TNRC6B: variants seen among roughly 807,000 people sequenced by gnomAD.
TNRC6B encodes trinucleotide repeat-containing gene 6B protein.
TNRC6B carries 52 observed loss-of-function variants against 203.6 expected under a neutral mutation model. The ratio of observed to expected loss-of-function variants is 0.26; its 90% CI spans 0.20 to 0.32. The LOEUF (loss-of-function observed/expected upper bound fraction) is 0.32, where lower values mean the gene tolerates loss of function less well. TNRC6B is among the 10% of genes least tolerant of loss of function. TNRC6B has a pLI of 1.00. For missense variants in TNRC6B, 1,923 were observed against 2,286.2 expected (o/e 0.84, Z 3.24); for synonymous variants, 838 against 845.7 (o/e 0.99, Z 0.16).
At chr22:40,062,329 T>A (rs1275674154) in intron 1 of TNRC6B, among the ~76,000 whole-genome samples, 1 of 152,068 alleles carries the variant, frequency 6.6e-6, no homozygotes, top group Non-Finnish European at 1.5e-5. Flanking sequence ...GCCTCCTGAG[T>A]AGCTGGGATT....
At chr22:40,179,708 C>G (rs542192739) in intron 1 of TNRC6B, among the ~76,000 whole-genome samples, 2 of 152,232 alleles carry the variant, frequency 1.3e-5, no homozygotes, top group East Asian at 1.9e-4. Flanking sequence ...GGAAAAAATG[C>G]TGGACCATTT....
At chr22:40,192,175 C>A (rs1475688328) in intron 1 of TNRC6B, among the ~76,000 whole-genome samples, 1 of 152,168 alleles carries the variant, frequency 6.6e-6, no homozygotes, top group Non-Finnish European at 1.5e-5. Context: ...TATGCCTGGC[C>A]CAGAAATTTG....
chr22:40,092,156 A>C (rs2068155632), intron 1 of TNRC6B, among the ~76,000 whole-genome samples: 1 of 152,110 alleles, frequency 6.6e-6, no homozygotes, highest in African/African-American at 2.4e-5. Flanking sequence ...TAATCCCAAC[A>C]CTTTGGGAGG....
intron 4 of TNRC6B, among the ~76,000 whole-genome samples, chr22:40,167,704 CAAAAAAAAAAAAAA>C (rs58022219): frequency 1.7e-5 from 1 of 58,980 alleles, no homozygotes; most frequent in African/African-American, 6.8e-5. Context: ...CCATCGCTAC[CAAAAAAAAAAAAAA>C]AAAAAAAAAA....
chr22:40,232,273 C>G (rs1392353326), intron 1 of TNRC6B, among the ~76,000 whole-genome samples: 1 of 152,044 alleles, frequency 6.6e-6, no homozygotes, highest in Non-Finnish European at 1.5e-5. Context: ...TTGCCTTGCC[C>G]GGTAATTGGA....
At position 40,139,325 on chromosome 22, in the gene TNRC6B, A is replaced by AT. The variant is rs562172960; in HGVS notation, c.45+13483dup. ...AATACCCTATTGCATGGGTGTACGC[A>AT]TTTTTTTTTTTTTTTTTTTTGAGAT... On this transcript the variant is annotated intron_variant, in intron 3 of 23. Coordinates refer to the TNRC6B transcript ENST00000301923. Among the ~76,000 whole-genome samples the AT allele has an allele frequency of 8.8e-3, 1,061 of 120,598 alleles. 9 individuals are homozygous for AT. The highest frequency in any genetic ancestry group is 0.013 in the African/African-American group (432 of 33,084). 79.1% of individuals were successfully genotyped at this position (120,598 alleles called of 152,430 possible). A position where few individuals can be genotyped will look rare whatever the true frequency, so the allele number is the denominator to read the frequency against.
chr22:40,310,999 G>A lies in TNRC6B; in HGVS notation c.4435+6G>A, dbSNP rs759970723. 6.2e-7 allele frequency: 1 copy of A among 1,602,086 alleles called. No homozygotes were observed. Among genetic ancestry groups the A allele is most frequent in the Admixed American group, 1.7e-5 (1 of 58,666 alleles). Reference sequence around the variant, plus strand: ...CAATGCCAGTTGGCCTCCAGGTATTGTCTAGGAAATGCTTTTCCCAGGATA... The same window carrying A: ...CAATGCCAGTTGGCCTCCAGGTATTATCTAGGAAATGCTTTTCCCAGGATA... On this transcript the variant is annotated splice_donor_region_variant and intron_variant, in intron 17 of 22. Transcript: ENST00000454349.
rs1472270715 is a variant in TNRC6B at position 40,277,168 on chromosome 22, T to A, written c.3216+17T>A. ...GGATTGCTGGTAAGTTTTATTTTTT[T>A]CAAATGTATAACGTATCCCAACTTT... On this transcript the variant is annotated intron_variant, in intron 8 of 22. Transcript: ENST00000454349. The A allele has an allele frequency of 6.3e-7, 1 of 1,594,596 alleles. No individual in the cohort carries two copies. The highest frequency in any genetic ancestry group is 8.6e-7 in the Non-Finnish European group (1 of 1,169,486).
chr22:40,051,173 G>A (rs2067741380), intron 1 of TNRC6B, among the ~76,000 whole-genome samples: 1 of 152,126 alleles, frequency 6.6e-6, no homozygotes, highest in African/African-American at 2.4e-5. Context: ...TCTCCTCTGG[G>A]ACTTGATCTC....
At chr22:40,258,543 A>G (rs1378854982) in intron 3 of TNRC6B, among the ~76,000 whole-genome samples, 7 of 152,186 alleles carry the variant, frequency 4.6e-5, no homozygotes, top group Admixed American at 1.3e-4. Context: ...ACAGTTTGCT[A>G]TGACTAAGGT....
At chr22:40,066,028 G>T (rs144830493) in intron 1 of TNRC6B, among the ~76,000 whole-genome samples, 1 of 152,176 alleles carries the variant, frequency 6.6e-6, no homozygotes, top group South Asian at 2.1e-4. Flanking sequence ...TCTCTGTGCA[G>T]CTCTTTTCTC....
chr22:40,299,296 A>G (rs1473169711), intron 12 of TNRC6B, among the ~76,000 whole-genome samples: 2 of 150,932 alleles, frequency 1.3e-5, no homozygotes, highest in African/African-American at 2.4e-5. Context: ...CTGGAGTGCA[A>G]TGGCACCATC....
chr22:40,111,655 G>T (rs897058330), intron 1 of TNRC6B, among the ~76,000 whole-genome samples: 3 of 152,176 alleles, frequency 2.0e-5, no homozygotes, highest in Non-Finnish European at 4.4e-5. Flanking sequence ...AACACGCTTT[G>T]GGGGAGGGTT....
At chr22:40,258,313 C>CT (rs1407678269) in intron 3 of TNRC6B, among the ~76,000 whole-genome samples, 1 of 152,072 alleles carries the variant, frequency 6.6e-6, no homozygotes, top group Non-Finnish European at 1.5e-5. Context: ...CCTTTATCGT[C>CT]TAACATTCTG....
At chr22:40,130,215 C>T (rs972388823) in intron 3 of TNRC6B, among the ~76,000 whole-genome samples, 1 of 152,126 alleles carries the variant, frequency 6.6e-6, no homozygotes, top group Admixed American at 6.5e-5. Context: ...TTCTCAGATT[C>T]CCAGGCTTAA....
At chr22:40,106,397 C>G in intron 1 of TNRC6B, 1 of 1,181,710 alleles carries the variant, frequency 8.5e-7, no homozygotes, top group Non-Finnish European at 1.2e-6. Flanking sequence ...AATGGGTGGT[C>G]TTTTTCTTCA....
rs370951084 is a variant in TNRC6B, at chr22:40,143,201, G to A, written c.46-12914G>A. On this transcript the variant is annotated intron_variant, in intron 3 of 23. Coordinates refer to the TNRC6B transcript ENST00000301923. ...TCCCAGCATTTTGGGAGGCCGGGGC[G>A]GGAGAATCACTTGAGGCCAGGAGTT... Among the ~76,000 whole-genome samples, 73 of 152,234 alleles carry A rather than the reference G, an allele frequency of 4.8e-4. No homozygotes were observed. The South Asian group carries it at 9.9e-3, about 21-fold the overall frequency.
At chr22:40,143,650 C>T (rs1264555183) in intron 3 of TNRC6B, among the ~76,000 whole-genome samples, 6 of 152,216 alleles carry the variant, frequency 3.9e-5, no homozygotes, top group Admixed American at 6.5e-5. Context: ...GCGCCCACCA[C>T]CACGCCCCGC....
rs1461340330 is a variant in TNRC6B, at chr22:40,332,432, C to T, written c.*9191C>T. On this transcript the variant is annotated 3_prime_UTR_variant, in exon 23 of 23. Coordinates refer to ENST00000454349, the MANE Select transcript of TNRC6B (RefSeq NM_001162501.2). ...CTAACAATTCCTTTGTTGATCTTGC[C>T]TGTGATGAATCATAGCGCCTGCATT... is the stretch of plus-strand genomic sequence containing the variant. The T allele has an allele frequency of 1.3e-5, 2 of 152,602 alleles. No homozygotes were observed. Among genetic ancestry groups the T allele is most frequent in the African/African-American group, 4.8e-5 (2 of 41,418 alleles). The allele number at this position is 152,602 out of a possible 1,614,324, so 9.5% of individuals were successfully genotyped here. A position where few individuals can be genotyped will look rare whatever the true frequency, so the allele number is the denominator to read the frequency against.
Sources: allele counts gnomAD v4.1 joint callset (sites outside exome capture counted in the v4.1 genomes callset), GRCh38; gene constraint gnomAD v4.1.1; transcripts MANE v1.5; gene names NCBI Gene and HGNC (gene_info 2026-07-23, HGNC 2026-07-21).